Variants in ENTPD5 observed in about 807,000 individuals in gnomAD.
ENTPD5 encodes the protein nucleoside diphosphate phosphatase ENTPD5.
Under a neutral mutation model 60.2 loss-of-function variants are expected in ENTPD5, and 49 were observed. The ratio of observed to expected loss-of-function variants is 0.81; its 90% CI spans 0.65 to 1.03. ENTPD5 has a LOEUF of 1.03. Ranked by LOEUF, ENTPD5 falls within the 50% of genes least tolerant of loss-of-function variation. The pLI is 0.00. For synonymous variants in ENTPD5, 187 were observed against 185.4 expected, an observed-to-expected ratio of 1.01 and a Z score of -0.07; for missense variants, 480 against 507.6, an observed-to-expected ratio of 0.95 and a Z score of 0.52.
chr14:74,009,623 T>A (rs28569465), intron 3 of ENTPD5, among the ~76,000 whole-genome samples: 1 of 152,190 alleles, frequency 6.6e-6, no homozygotes, highest in East Asian at 1.9e-4. Flanking sequence ...TTGGGGTTTT[T>A]AAAAAAATTT....
chr14:73,970,481 G>C (rs1319848982), intron 14 of ENTPD5, among the ~76,000 whole-genome samples: 1 of 151,942 alleles, frequency 6.6e-6, no homozygotes, highest in Non-Finnish European at 1.5e-5. Context: ...GACAGAGCAA[G>C]ACTCTGTCTC....
downstream of ENTPD5, chr14:73,962,854 T>A (rs941849366): frequency 9.0e-5 from 81 of 895,708 alleles, no homozygotes; most frequent in Non-Finnish European, 1.4e-4. Context: ...TTTCTTTTTT[T>A]AGCTGAAATA....
chr14:74,016,700 C>T lies in ENTPD5; in HGVS notation c.-237-770G>A, dbSNP rs146170537. 5.5e-3 allele frequency among the ~76,000 whole-genome samples: 835 copies of T among 152,234 alleles called. 5 individuals are homozygous for T. Among genetic ancestry groups the T allele is most frequent in the African/African-American group, 0.019 (792 of 41,546 alleles). ...ATAAAGTACTATAACTAAGGTACTA[C>T]GCATACATTAATAATCTTGTTATAG... On this transcript the variant is annotated intron_variant, in intron 1 of 15. Transcript: ENST00000334696.
chr14:73,987,902 A>T lies in ENTPD5; in HGVS notation c.201T>A (p.Phe67Leu). The change falls in exon 4 of 16, where the codon TTT becomes TTA. Residue 67 changes from phenylalanine to leucine, a missense_variant. Coordinates refer to ENST00000334696, the MANE Select transcript of ENTPD5 (RefSeq NM_001249.5). ...STGTRIHVYT[F>L]VQKMPGQLPI... Reference sequence around the variant, plus strand: ...TGCACTTACCTGGCATTTTCTGCACAAAGGTGTAAACATGAATTCGAGTTC... The same window carrying T: ...TGCACTTACCTGGCATTTTCTGCACTAAGGTGTAAACATGAATTCGAGTTC... 1 of 1,614,166 alleles carries T rather than the reference A, an allele frequency of 6.2e-7. No homozygotes were observed. The highest frequency in any genetic ancestry group is 8.5e-7 in the Non-Finnish European group (1 of 1,180,016).
At chr14:73,960,984 T>C (rs1005767437), downstream of ENTPD5, 1 of 720,510 alleles carries the variant, frequency 1.4e-6, no homozygotes, top group Non-Finnish European at 2.4e-6. Flanking sequence ...TTTGGCTAGA[T>C]CTTAAAACCT....
At chr14:73,969,968 C>T (rs1003352040) in intron 15 of ENTPD5, 42 bp downstream of exon 15, 1 of 1,390,676 alleles carries the variant, frequency 7.2e-7, no homozygotes, top group African/African-American at 1.4e-5. Context: ...TCAACCCCCA[C>T]AAAAGAGGGC....
chr14:73,999,324 C>G (rs772351495), intron 3 of ENTPD5, among the ~76,000 whole-genome samples: 16 of 150,952 alleles, frequency 1.1e-4, no homozygotes, highest in Non-Finnish European at 2.2e-4. Flanking sequence ...CCCATATCTA[C>G]TAAAAATACA....
At chr14:73,961,147 TTTGTC>T (rs1484122421), downstream of ENTPD5, 1 of 1,610,334 alleles carries the variant, frequency 6.2e-7, no homozygotes, top group African/African-American at 1.3e-5. Flanking sequence ...TTTCACCTTG[TTTGTC>T]TTGTGGCTGA....
chr14:73,958,822 C>T (rs1566688356), downstream of ENTPD5: 8 of 1,533,188 alleles, frequency 5.2e-6, no homozygotes, highest in South Asian at 4.8e-5. Flanking sequence ...AGGGGCTCCA[C>T]CTCTAGGGGC....
chr14:73,991,865 T>A (rs929249723), intron 3 of ENTPD5, among the ~76,000 whole-genome samples: 3 of 149,394 alleles, frequency 2.0e-5, no homozygotes, highest in African/African-American at 7.4e-5. Context: ...AAATTTTTTT[T>A]TAAATAGCCT....
Position 74,003,570 on chromosome 14 carries a change from T to A in ENTPD5, c.-71+7521A>T, listed in dbSNP as rs889064429. On this transcript the variant is annotated intron_variant, in intron 3 of 15. Transcript: ENST00000334696. ...GTACAAGTTGTGGGACTGCATGCTA[T>A]TGTGTAGAGCTTGTCTCAATGGATC... 3.4e-5 allele frequency: 22 copies of A among 640,314 alleles called. No homozygotes were observed. The African/African-American group carries it at 3.8e-4, about 11-fold the overall frequency. The allele number at this position is 640,314 out of a possible 1,614,324, so 39.7% of individuals were successfully genotyped here.
At chr14:74,018,955 GC>G in intron 1 of ENTPD5, 1 of 153,698 alleles carries the variant, frequency 6.5e-6, no homozygotes, top group East Asian at 1.9e-4. Flanking sequence ...CAGAAGCGGA[GC>G]GGGGGCGAGG....
At chr14:74,008,228 G>C (rs374357558) in intron 3 of ENTPD5, among the ~76,000 whole-genome samples, 2 of 152,100 alleles carry the variant, frequency 1.3e-5, no homozygotes, top group African/African-American at 4.8e-5. Flanking sequence ...TCCTGGGGGA[G>C]GGATTGAACA....
In ENTPD5 at chr14:73,970,134, G is replaced by C. The variant is rs2057157822; in HGVS notation, c.1085-9C>G. 1.1e-5 allele frequency: 17 copies of C among 1,591,984 alleles called. No individual in the cohort carries two copies. The highest frequency in any genetic ancestry group is 1.5e-5 in the Non-Finnish European group (17 of 1,160,038). On this transcript the variant is annotated splice_polypyrimidine_tract_variant and intron_variant, in intron 14 of 15. Transcript: ENST00000334696. ...TTCCAAGTTATCACACACTGAAAGAGAGAGTAAACAGTGGAGCTCAAGTTT... is the reference window on the plus strand; with the variant it reads ...TTCCAAGTTATCACACACTGAAAGACAGAGTAAACAGTGGAGCTCAAGTTT...
At position 73,967,813 on chromosome 14, in the gene ENTPD5, A is replaced by G. The variant is rs1197704437; in HGVS notation, c.1201-799T>C. Among the ~76,000 whole-genome samples the G allele has an allele frequency of 1.3e-4, 19 of 151,024 alleles. No individual in the cohort carries two copies. In the South Asian group the frequency reaches 2.9e-3, roughly 23 times the overall value. On this transcript the variant is annotated intron_variant, in intron 15 of 15. Coordinates refer to ENST00000334696, the MANE Select transcript of ENTPD5 (RefSeq NM_001249.5). ...AGACCCTGTCTCAAAAAAAAAAAAA[A>G]AAAAGAAAAAAAAAGAAACGAACAA...
chr14:73,996,228 C>A, intron 3 of ENTPD5: 2 of 983,612 alleles, frequency 2.0e-6, no homozygotes, highest in Non-Finnish European at 2.4e-6. Flanking sequence ...ACCTTTGTGC[C>A]AGTTTGCAAC....
chr14:73,975,044 T>C, intron 10 of ENTPD5, 59 bp from the exon 11 acceptor site: 2 of 1,285,434 alleles, frequency 1.6e-6, no homozygotes, highest in South Asian at 2.5e-5. Flanking sequence ...AGCCTAAAGC[T>C]ACCTCTTTCA....
intron 3 of ENTPD5, among the ~76,000 whole-genome samples, chr14:74,000,492 A>T (rs1311369826): frequency 6.6e-6 from 1 of 150,616 alleles, no homozygotes; most frequent in African/African-American, 2.5e-5. Context: ...GCATATATAA[A>T]AGAAATGGCT....
chr14:73,976,160 A>G, intron 9 of ENTPD5, 145 bp from the exon 10 acceptor site: 1 of 856,618 alleles, frequency 1.2e-6, no homozygotes, highest in Middle Eastern at 2.2e-4. Flanking sequence ...AAACGAAGGG[A>G]TTCTGAACAG....
Sources: allele counts gnomAD v4.1 joint callset (sites outside exome capture counted in the v4.1 genomes callset), GRCh38; gene constraint gnomAD v4.1.1; transcripts MANE v1.5; gene names NCBI Gene and HGNC (gene_info 2026-07-23, HGNC 2026-07-21).